The following CEP72 variants were observed in gnomAD, a reference collection of about 807,000 sequenced individuals.
The protein encoded by CEP72 is centrosomal protein of 72 kDa.
Under a neutral mutation model 65.7 loss-of-function variants are expected in CEP72, and 78 were observed. The observed-to-expected ratio is 1.19, with a 90% CI of 0.99 to 1.43. The LOEUF (loss-of-function observed/expected upper bound fraction) is 1.43. Among genes scored for constraint, CEP72 ranks in the 40% most tolerant of loss-of-function variants. The probability of loss-of-function intolerance (pLI) is 0.00; values close to 1 mark genes in which losing one functional copy is unlikely to be tolerated. For synonymous variants in CEP72, 358 were observed against 351.7 expected, an observed-to-expected ratio of 1.02 and a Z score of -0.20; for missense variants, 914 against 832.9, an observed-to-expected ratio of 1.10 and a Z score of -1.20.
At chr5:661,333 G>A (rs1739592820), downstream of CEP72, 1 of 152,938 alleles carries the variant, frequency 6.5e-6, no homozygotes, top group Non-Finnish European at 1.5e-5. Context: ...AACAGAACCT[G>A]TCCCTCTCTC....
chr5:636,040 G>A (rs964306051), intron 6 of CEP72, among the ~76,000 whole-genome samples: 6 of 151,886 alleles, frequency 4.0e-5, no homozygotes, highest in African/African-American at 1.4e-4. Flanking sequence ...ACCTCTTAAA[G>A]GCCCTCCGCT....
At chr5:628,572 AGGACCCAGCCCCC>A (rs1736940049) in intron 4 of CEP72, among the ~76,000 whole-genome samples, 10 of 140,330 alleles carry the variant, frequency 7.1e-5, no homozygotes, top group Admixed American at 2.2e-4. Flanking sequence ...GAGTGTTCCC[AGGACCCAGCCCCC>A]TTCTTTGTGC....
At chr5:619,394 C>G (rs548905189) in intron 2 of CEP72, among the ~76,000 whole-genome samples, 16 of 152,322 alleles carry the variant, frequency 1.1e-4, no homozygotes, top group African/African-American at 3.8e-4. Context: ...GGGGCTGCCT[C>G]CTGGGCTCCT....
chr5:638,158 G>A (rs1737749977), intron 7 of CEP72, among the ~76,000 whole-genome samples: 1 of 152,348 alleles, frequency 6.6e-6, no homozygotes, highest in Middle Eastern at 3.4e-3. Flanking sequence ...GCTGTTCTGA[G>A]TGGAAGCCCC....
At chr5:638,426 CAG>C (rs1737767920) in intron 7 of CEP72, among the ~76,000 whole-genome samples, 1 of 152,064 alleles carries the variant, frequency 6.6e-6, no homozygotes, top group South Asian at 2.1e-4. Flanking sequence ...AGGGAACAGG[CAG>C]GGGCTGTTCA....
intron 11 of CEP72, among the ~76,000 whole-genome samples, chr5:650,019 T>TG (rs200475737): frequency 2.0e-5 from 2 of 101,544 alleles, no homozygotes; most frequent in Non-Finnish European, 2.0e-5. Flanking sequence ...CTGTGAGGTG[T>TG]GACTGTGAGG....
At chr5:626,343 G>T (rs1288818132) in intron 4 of CEP72, among the ~76,000 whole-genome samples, 1 of 152,216 alleles carries the variant, frequency 6.6e-6, no homozygotes, top group Non-Finnish European at 1.5e-5. Context: ...TTCCAGCGCA[G>T]CCTTGCGCCT....
the CEP72 span, chr5:676,221 C>T: frequency 6.6e-6 from 1 of 152,400 alleles, no homozygotes; most frequent in South Asian, 2.1e-4. Flanking sequence ...TCAGATGCGC[C>T]GTACACAACA....
intron 1 of CEP72, chr5:663,338 C>G (rs917830807): frequency 6.6e-6 from 1 of 152,490 alleles, no homozygotes; most frequent in African/African-American, 2.4e-5. Flanking sequence ...CACCCCCCGC[C>G]TTCCCCAGGC....
chr5:639,027 C>T (rs1561049965), intron 7 of CEP72, 62 bp from the exon 8 acceptor site: 6 of 1,605,142 alleles, frequency 3.7e-6, no homozygotes, highest in Non-Finnish European at 5.1e-6. Context: ...GCTTGGGCAC[C>T]TGCTGGCATT....
In CEP72 at chr5:636,822, A is replaced by T. The variant is rs77124131; in HGVS notation, c.905-695A>T. Among the ~76,000 whole-genome samples, 1,424 of 151,852 alleles carry T rather than the reference A, an allele frequency of 9.4e-3. 30 individuals are homozygous for T. The highest frequency in any genetic ancestry group is 0.033 in the African/African-American group (1,363 of 41,382). ...AAGACTCCAACTCAAAAAAAAAAAA[A>T]AAAAAGAAAAAGAGAAACCTTGTCT... On this transcript the variant is annotated intron_variant, in intron 6 of 11. Coordinates refer to ENST00000264935, the MANE Select transcript of CEP72 (RefSeq NM_018140.4).
At chr5:646,283 C>T (rs1738418943) in intron 10 of CEP72, among the ~76,000 whole-genome samples, 1 of 152,186 alleles carries the variant, frequency 6.6e-6, no homozygotes, top group South Asian at 2.1e-4. Context: ...TCTTTTCTGA[C>T]ATTTCTAATT....
chr5:667,077 AC>A (rs200507456), exon 5 of CEP72: 15 of 151,204 alleles, frequency 9.9e-5, no homozygotes, highest in African/African-American at 3.7e-4. Context: ...GACCCATAAA[AC>A]CCCAGCAAGC....
the CEP72 span, among the ~76,000 whole-genome samples, chr5:675,117 G>GA: frequency 7.5e-6 from 1 of 133,128 alleles, no homozygotes; most frequent in Non-Finnish European, 1.6e-5. Flanking sequence ...GCAGCACGGG[G>GA]GGTACAGTGT....
rs773076945 is a variant in CEP72, at chr5:637,761, G to A, written c.1149G>A (p.Gln383=). 2 of 1,609,946 alleles carry A rather than the reference G, an allele frequency of 1.2e-6. No individual in the cohort carries two copies. Among genetic ancestry groups the A allele is most frequent in the South Asian group, 1.1e-5 (1 of 90,734 alleles). The change falls in exon 7 of 12, where the codon CAG becomes CAA. Residue 383 remains glutamine (Q), a synonymous_variant. Coordinates refer to ENST00000264935, the MANE Select transcript of CEP72 (RefSeq NM_018140.4). ...SESRNGRTLS[Q]PEASETEEQR... ...GCAGGAACGGGAGGACCTTGTCTCA[G>A]CCTGAGGCCTCGGAGACTGAGGAGC...
intron 2 of CEP72, chr5:664,988 T>C (rs773987283): frequency 9.0e-6 from 12 of 1,327,196 alleles, no homozygotes; most frequent in African/African-American, 1.5e-5. Context: ...CCCAGCCCCC[T>C]CTGGGGCACC....
intron 1 of CEP72, among the ~76,000 whole-genome samples, chr5:612,831 G>A (rs893924480): frequency 4.6e-5 from 7 of 152,256 alleles, no homozygotes; most frequent in Non-Finnish European, 8.8e-5. Flanking sequence ...CGGCCTTCTT[G>A]AGGATGTTGG....
downstream of CEP72, among the ~76,000 whole-genome samples, chr5:671,045 A>G (rs964254584): frequency 6.6e-6 from 1 of 151,986 alleles, no homozygotes; most frequent in Non-Finnish European, 1.5e-5. Flanking sequence ...TTGCTGCACC[A>G]GCTCTAACCC....
Position 651,169 on chromosome 5 carries a change from CTG to C in CEP72, c.1779-1816_1779-1815del, listed in dbSNP as rs67800203. ...CTGAGGCGTGGACTGTGAGGTGTGACTGTGAGGTGTTACTGTGAGGCGTGGAC... is the reference window on the plus strand; with the variant it reads ...CTGAGGCGTGGACTGTGAGGTGTGACTGAGGTGTTACTGTGAGGCGTGGAC... On this transcript the variant is annotated intron_variant, in intron 11 of 11. Coordinates refer to ENST00000264935, the MANE Select transcript of CEP72 (RefSeq NM_018140.4). 8.5e-5 allele frequency among the ~76,000 whole-genome samples: 5 copies of C among 58,606 alleles called. 1 individual carries two copies. Among genetic ancestry groups the C allele is most frequent in the African/African-American group, 4.2e-4 (4 of 9,536 alleles). The allele number at this position is 58,606 out of a possible 152,430, so 38.4% of individuals were successfully genotyped here. A position where few individuals can be genotyped will look rare whatever the true frequency, so the allele number is the denominator to read the frequency against.
Sources: allele counts gnomAD v4.1 joint callset (sites outside exome capture counted in the v4.1 genomes callset), GRCh38; gene constraint gnomAD v4.1.1; transcripts MANE v1.5; gene names NCBI Gene and HGNC (gene_info 2026-07-23, HGNC 2026-07-21).